Variants in NRXN1 observed in about 807,000 individuals in gnomAD.
NRXN1 encodes neurexin 1.
In NRXN1, 39 loss-of-function variants were observed where a neutral mutation model predicts 150.9. That is an observed-to-expected ratio of 0.26 (90% confidence interval 0.20 to 0.34). The LOEUF (loss-of-function observed/expected upper bound fraction) is 0.34. Among genes scored for constraint, NRXN1 ranks in the 10% least tolerant of loss-of-function variants. The pLI is 1.00. For synonymous variants in NRXN1, 924 were observed against 757.0 expected (o/e 1.22, Z -3.62); for missense variants, 1,815 against 1,949.9 (o/e 0.93, Z 1.30).
At chr2:50,002,171 G>A (rs1201821492) in intron 21 of NRXN1, among the ~76,000 whole-genome samples, 1 of 152,074 alleles carries the variant, frequency 6.6e-6, no homozygotes, top group Non-Finnish European at 1.5e-5. Flanking sequence ...CCCGACTTCA[G>A]TCAGACCACA....
intron 17 of NRXN1, among the ~76,000 whole-genome samples, chr2:50,351,282 C>T (rs959635427): frequency 7.9e-5 from 12 of 152,148 alleles, no homozygotes; most frequent in African/African-American, 1.2e-4. Context: ...TGTTTCTTAA[C>T]GCTGTCTGTA....
At chr2:50,242,917 A>G (rs549924970) in intron 17 of NRXN1, among the ~76,000 whole-genome samples, 20 of 151,760 alleles carry the variant, frequency 1.3e-4, no homozygotes, top group Non-Finnish European at 2.5e-4. Context: ...TGTCACAGAA[A>G]TGGTTTAGGC....
In NRXN1 at chr2:50,465,503, T is replaced by C. The variant is rs780345874; in HGVS notation, c.3303A>G (p.Gln1101=). 9 of 1,610,862 alleles carry C rather than the reference T, an allele frequency of 5.6e-6. No individual in the cohort carries two copies. Among genetic ancestry groups the C allele is most frequent in the South Asian group, 4.4e-5 (4 of 90,808 alleles). ...SCSNQGVCLQ[Q]WDGFSCDCSM... The stretch of plus-strand genomic sequence containing the variant: ...TACAGTCACAGCTGAAGCCATCCCA[T>C]TGTTGCAAGCACACACCTTGATTGG... Residue 1101 remains glutamine, a synonymous_variant, in exon 17 of 23, where the codon CAA becomes CAG. Coordinates refer to ENST00000401669, the MANE Select transcript of NRXN1 (RefSeq NM_001330078.2).
chr2:50,716,295 C>T (rs1695861233), intron 5 of NRXN1, among the ~76,000 whole-genome samples: 1 of 151,900 alleles, frequency 6.6e-6, no homozygotes, highest in African/African-American at 2.4e-5. Flanking sequence ...AGAAGGCTAC[C>T]ACAGATTAAA....
chr2:50,048,649 T>G (rs1442350941), intron 21 of NRXN1, among the ~76,000 whole-genome samples: 1 of 152,180 alleles, frequency 6.6e-6, no homozygotes, highest in African/African-American at 2.4e-5. Flanking sequence ...TAAACATTAA[T>G]TGGGTTCTTT....
intron 15 of NRXN1, among the ~76,000 whole-genome samples, chr2:50,482,877 C>A (rs1422064827): frequency 6.6e-6 from 1 of 151,746 alleles, no homozygotes; most frequent in East Asian, 1.9e-4. Flanking sequence ...GGGAAGAAAC[C>A]CCAACTCTAC....
At chr2:50,558,143 T>C (rs1044718396) in intron 8 of NRXN1, among the ~76,000 whole-genome samples, 2 of 152,162 alleles carry the variant, frequency 1.3e-5, no homozygotes, top group East Asian at 3.9e-4. Context: ...TATATAGTAA[T>C]GTGTTTAATT....
At chr2:50,078,199 G>A (rs1176604461) in intron 19 of NRXN1, among the ~76,000 whole-genome samples, 1 of 151,760 alleles carries the variant, frequency 6.6e-6, no homozygotes, top group Non-Finnish European at 1.5e-5. Flanking sequence ...CTATTCTTCT[G>A]GAATAAATCT....
At chr2:50,581,028 T>C (rs765812449) in intron 8 of NRXN1, among the ~76,000 whole-genome samples, 1 of 152,112 alleles carries the variant, frequency 6.6e-6, no homozygotes, top group Non-Finnish European at 1.5e-5. Context: ...TGGAGGACAA[T>C]ATACTATGCT....
chr2:50,092,437 A>T (rs1360241367), intron 18 of NRXN1, among the ~76,000 whole-genome samples: 1 of 152,226 alleles, frequency 6.6e-6, no homozygotes, highest in East Asian at 1.9e-4. Context: ...CCTGTGCTGT[A>T]GGCCCTTGTC....
chr2:50,262,068 G>A (rs892023448), intron 17 of NRXN1, among the ~76,000 whole-genome samples: 1 of 151,890 alleles, frequency 6.6e-6, no homozygotes, highest in Non-Finnish European at 1.5e-5. Flanking sequence ...TGAGCATGAA[G>A]TAGAAAGTTA....
At chr2:50,343,473 A>C (rs1181113688) in intron 17 of NRXN1, among the ~76,000 whole-genome samples, 1 of 152,128 alleles carries the variant, frequency 6.6e-6, no homozygotes, top group African/African-American at 2.4e-5. Context: ...AGAAAAAAAA[A>C]ACACAATTTT....
At chr2:50,331,000 T>G (rs962299814) in intron 17 of NRXN1, among the ~76,000 whole-genome samples, 1 of 152,096 alleles carries the variant, frequency 6.6e-6, no homozygotes, top group Non-Finnish European at 1.5e-5. Context: ...GTTTTTGTCA[T>G]CCATACAAAG....
At chr2:50,079,020 T>C (rs1346887818) in intron 19 of NRXN1, among the ~76,000 whole-genome samples, 6 of 152,128 alleles carry the variant, frequency 3.9e-5, no homozygotes, top group Non-Finnish European at 8.8e-5. Context: ...ATCATCCTTC[T>C]ACATTATTAA....
intron 21 of NRXN1, chr2:49,973,946 C>T (rs1048971197): frequency 1.1e-5 from 8 of 716,282 alleles, no homozygotes; most frequent in Non-Finnish European, 1.8e-5. Context: ...TGCTCAGCAG[C>T]GGCTGTGACA....
At chr2:50,461,520 A>C (rs558343320) in intron 17 of NRXN1, among the ~76,000 whole-genome samples, 144 of 152,150 alleles carry the variant, frequency 9.5e-4, no homozygotes, top group African/African-American at 3.4e-3. Flanking sequence ...ATTCCGGACC[A>C]CTGGGTAAAA....
At position 50,531,381 on chromosome 2, in the gene NRXN1, G is replaced by A. The variant is rs201466898; in HGVS notation, c.2193C>T (p.Leu731=). 2.0e-4 allele frequency: 315 copies of A among 1,612,724 alleles called. No homozygotes were observed. The highest frequency in any genetic ancestry group is 2.6e-4 in the Non-Finnish European group (301 of 1,179,484). The stretch of plus-strand genomic sequence containing the variant: ...CAGCCTCCGTATGCATGACTACGGG[G>A]AGCTGAATTTTCATAAACATGCTCC... ...YDGSMFMKIQ[L]PVVMHTEAED... is the part of the protein sequence containing the mutation. The change falls in exon 11 of 23, where the codon CTC becomes CTT. Residue 731 remains leucine, a synonymous_variant. Transcript: ENST00000401669.
At chr2:50,384,922 T>C (rs534416855) in intron 17 of NRXN1, among the ~76,000 whole-genome samples, 1 of 152,268 alleles carries the variant, frequency 6.6e-6, no homozygotes, top group South Asian at 2.1e-4. Flanking sequence ...TGTCCCTTAA[T>C]CTTGGAACAG....
chr2:50,181,606 C>G (rs1389873378), intron 18 of NRXN1, among the ~76,000 whole-genome samples: 1 of 151,984 alleles, frequency 6.6e-6, no homozygotes, highest in Admixed American at 6.6e-5. Context: ...TAAATTTTGG[C>G]CATTTACAGC....
Sources: gnomAD v4.1 joint callset for allele counts (sites outside exome capture counted in the v4.1 genomes callset) on GRCh38, gnomAD v4.1.1 for gene constraint, MANE v1.5 for transcripts, NCBI Gene and HGNC (gene_info 2026-07-23, HGNC 2026-07-21) for gene names.